The following ADGRE2 variants were observed in gnomAD, a reference collection of about 807,000 sequenced individuals.
ADGRE2 encodes the protein adhesion G protein-coupled receptor E2, also known as CD97 antigen.
A neutral mutation model predicts 100.8 loss-of-function variants in ADGRE2; 83 were observed. That is an observed-to-expected ratio of 0.82 (90% CI 0.69 to 0.99). ADGRE2 has a LOEUF of 0.99. Ranked by LOEUF, ADGRE2 falls within the 50% of genes least tolerant of loss-of-function variation. The pLI is 0.00. For synonymous variants in ADGRE2, 355 were observed against 413.0 expected, an observed-to-expected ratio of 0.86 and a Z score of 1.70; for missense variants, 814 against 1,035.7, an observed-to-expected ratio of 0.79 and a Z score of 2.94.
At chr19:14,747,029 T>G in intron 16 of ADGRE2, 67 bp from the exon 17 acceptor site, 1 of 1,329,020 alleles carries the variant, frequency 7.5e-7, no homozygotes, top group Non-Finnish European at 1.1e-6. Flanking sequence ...TGTAAATCTA[T>G]TCCATCCCTC....
chr19:14,752,304 C>G, intron 15 of ADGRE2, 25 bp downstream of exon 15: 2 of 1,613,592 alleles, frequency 1.2e-6, no homozygotes, highest in Non-Finnish European at 1.7e-6. Context: ...AGGAAGGGAG[C>G]CCTCTGGAAC....
chr19:14,754,017 C>T (rs1188602317), intron 14 of ADGRE2, among the ~76,000 whole-genome samples: 1 of 152,108 alleles, frequency 6.6e-6, no homozygotes, highest in Non-Finnish European at 1.5e-5. Flanking sequence ...AAGGCAGATC[C>T]ACTCTTAATC....
Position 14,776,708 on chromosome 19 carries a change from G to A in ADGRE2, c.31+18C>T. 1.2e-6 allele frequency: 2 copies of A among 1,611,282 alleles called. No individual in the cohort carries two copies. Among genetic ancestry groups the A allele is most frequent in the Non-Finnish European group, 8.5e-7 (1 of 1,178,802 alleles). On this transcript the variant is annotated intron_variant, in intron 2 of 20. Transcript: ENST00000315576. ...AGCTTCCTCGCTACCACCCCCAGCG[G>A]GGCCCCAAAGTACTTACCGAGAAAG...
intron 11 of ADGRE2, among the ~76,000 whole-genome samples, chr19:14,757,329 C>G (rs12327819): frequency 0.15 from 23,008 of 152,134 alleles, 3,058 homozygotes; most frequent in African/African-American, 0.36. Flanking sequence ...AATGCAATCC[C>G]TATCAATATT....
chr19:14,759,905 G>C (rs2108615), intron 11 of ADGRE2, among the ~76,000 whole-genome samples: 1 of 145,884 alleles, frequency 6.9e-6, no homozygotes. Flanking sequence ...TGCAAGCTTC[G>C]CCTCCCAGGT....
chr19:14,739,267 G>A (rs780789357), intron 20 of ADGRE2, among the ~76,000 whole-genome samples: 17 of 152,148 alleles, frequency 1.1e-4, no homozygotes, highest in South Asian at 6.2e-4. Flanking sequence ...AGCGTGTCCG[G>A]CCAAGGCACA....
chr19:14,773,157 A>G (rs1379493643), intron 4 of ADGRE2, among the ~76,000 whole-genome samples: 1 of 148,804 alleles, frequency 6.7e-6, no homozygotes, highest in Non-Finnish European at 1.5e-5. Context: ...GCCAGAATGT[A>G]CCCCCTTCCC....
intron 20 of ADGRE2, among the ~76,000 whole-genome samples, chr19:14,738,284 G>T (rs1436377599): frequency 1.3e-5 from 2 of 152,178 alleles, no homozygotes; most frequent in Non-Finnish European, 2.9e-5. Flanking sequence ...TGCTTTAAAT[G>T]TGGAGTCATA....
chr19:14,754,438 A>AT (rs1180193607), intron 14 of ADGRE2, among the ~76,000 whole-genome samples: 15 of 105,664 alleles, frequency 1.4e-4, no homozygotes, highest in South Asian at 3.7e-4. Context: ...GCAGGCAGAA[A>AT]TTATCTATCT....
Position 14,765,900 on chromosome 19 carries a change from C to T in ADGRE2, c.635-96G>A, listed in dbSNP as rs2043952270. 18 of 1,605,090 alleles carry T rather than the reference C, an allele frequency of 1.1e-5. No homozygotes were observed. In the South Asian group the frequency reaches 1.5e-4, roughly 14 times the overall value. Reference sequence around the variant, plus strand: ...CAGCTCGTTCCTCCCGGCATTAGTGCCCCCCTTGGAGAGGTGGACGCTGGG... The same window carrying T: ...CAGCTCGTTCCTCCCGGCATTAGTGTCCCCCTTGGAGAGGTGGACGCTGGG... On this transcript the variant is annotated intron_variant, in intron 7 of 20. Transcript: ENST00000315576.
In ADGRE2 at chr19:14,755,684, G is replaced by T. The variant is rs529254581; in HGVS notation, c.1386C>A (p.Ser462Arg). Residue 462 changes from serine (S) to arginine (R), a missense_variant, in exon 13 of 21, where the codon AGC becomes AGA. By Grantham distance (110) the Ser-to-Arg change is moderately radical. Transcript: ENST00000315576. ...GGGAGAAGGTGAAGGTAACTGGGGA[G>T]CTGAGGTTTTGGGTGTCGTTGTTGC... Reference protein sequence around the residue: ...FLSNNDTQNLSSPVTFTFSHR... With the variant: ...FLSNNDTQNLRSPVTFTFSHR... 3 of 1,614,216 alleles carry T rather than the reference G, an allele frequency of 1.9e-6. No individual in the cohort carries two copies. The African/African-American group carries it at 4.0e-5, about 22-fold the overall frequency.
At position 14,751,616 on chromosome 19, in the gene ADGRE2, G is replaced by T. The variant is rs1449417434; in HGVS notation, c.1844C>A (p.Thr615Asn). 2.5e-6 allele frequency: 4 copies of T among 1,613,912 alleles called. No homozygotes were observed. In the African/African-American group the frequency reaches 5.3e-5, roughly 22 times the overall value. ...TLHYLYLATL[T>N]WMLLEALYLF... ...GTACAGGGCCTCCAGCAGCATCCAG[G>T]TCAAGGTGGCCAGGTAGAGATAGTG... Residue 615 changes from threonine (T) to asparagine (N), a missense_variant, in exon 16 of 21, where the codon ACC (threonine) becomes AAC (asparagine). This residue lies in a region of ADGRE2 where 569 missense variants were observed against 692.7 expected (regional missense o/e 0.82). Transcript: ENST00000315576.
intron 5 of ADGRE2, among the ~76,000 whole-genome samples, chr19:14,770,089 C>T (rs1485514316): frequency 1.3e-5 from 2 of 152,094 alleles, no homozygotes; most frequent in African/African-American, 4.8e-5. Context: ...ATATTTGTCC[C>T]CTCCAAATCT....
At chr19:14,748,272 C>T (rs568277685) in intron 16 of ADGRE2, among the ~76,000 whole-genome samples, 1 of 151,926 alleles carries the variant, frequency 6.6e-6, no homozygotes, top group Admixed American at 6.6e-5. Context: ...AGAATAATGG[C>T]CTCCAGCTCC....
chr19:14,759,811 G>C (rs955351918), intron 11 of ADGRE2, among the ~76,000 whole-genome samples: 1 of 123,906 alleles, frequency 8.1e-6, no homozygotes, highest in Non-Finnish European at 1.7e-5. Flanking sequence ...CGCTTATTAA[G>C]CAGATTTTTT....
intron 16 of ADGRE2, among the ~76,000 whole-genome samples, chr19:14,747,881 A>G (rs1271743795): frequency 6.6e-6 from 1 of 152,120 alleles, no homozygotes; most frequent in African/African-American, 2.4e-5. Context: ...TTGTGGATAT[A>G]TTACGTTTTG....
chr19:14,756,462 A>T (rs966657738), intron 11 of ADGRE2, 117 bp from the exon 12 acceptor site: 9 of 702,704 alleles, frequency 1.3e-5, no homozygotes, highest in Non-Finnish European at 1.7e-5. Flanking sequence ...GTTACAAAAT[A>T]TCGGAAGAGA....
rs1474325071 is a variant in ADGRE2, at chr19:14,765,667, C to T, written c.772G>A (p.Val258Ile). Residue 258 changes from valine (V) to isoleucine (I), a missense_variant, in exon 8 of 21, where the codon GTC (valine) becomes ATC (isoleucine). Physicochemically the swap from Val to Ile is conservative, Grantham distance 29 (BLOSUM62 3). Transcript: ENST00000315576. ...HGIPNNQKDTVCEDMTFSTWT... is the reference protein window; with the variant it reads ...HGIPNNQKDTICEDMTFSTWT... Reference sequence around the variant, plus strand: ...TAGGGCCAGGTCATACCTTCACAGACAGTGTCCTTTTGGTTATTCGGGATT... The same window carrying T: ...TAGGGCCAGGTCATACCTTCACAGATAGTGTCCTTTTGGTTATTCGGGATT... 5 of 1,612,818 alleles carry T rather than the reference C, an allele frequency of 3.1e-6. No individual in the cohort carries two copies. Among genetic ancestry groups the T allele is most frequent in the Non-Finnish European group, 4.2e-6 (5 of 1,179,272 alleles).
intron 2 of ADGRE2, 142 bp from the exon 3 acceptor site, chr19:14,774,448 T>A (rs2044341881): frequency 4.8e-6 from 7 of 1,454,918 alleles, no homozygotes; most frequent in Middle Eastern, 1.8e-4. Flanking sequence ...TGAGCAGATG[T>A]CACGTCCCAC....
Sources: gnomAD v4.1 joint callset for allele counts (sites outside exome capture counted in the v4.1 genomes callset) on GRCh38, gnomAD v4.1.1 for gene constraint, gnomAD v4.1.1 regional missense constraint, MANE v1.5 for transcripts, NCBI Gene and HGNC (gene_info 2026-07-23, HGNC 2026-07-21) for gene names.